Variants in CLDN6 observed in about 807,000 individuals in gnomAD.
CLDN6 encodes claudin 6.
For synonymous variants in CLDN6, 144 were observed against 131.2 expected (o/e 1.10, Z -0.67); for missense variants, 279 against 284.1 (o/e 0.98, Z 0.13).
chr16:3,016,996 G>A (rs369170458), intron 1 of CLDN6, among the ~76,000 whole-genome samples: 12 of 151,536 alleles, frequency 7.9e-5, no homozygotes, highest in African/African-American at 2.9e-4. Context: ...AGTTGGCCAG[G>A]CGGGTCTCGA....
chr16:3,014,897 C>T lies in CLDN6; in HGVS notation c.*462G>A. ...AGAGGTCAGAAGTTCCGGAGGTGGG[C>T]AGTCCTTTGTTAACAGATCATTTGT... is the stretch of plus-strand genomic sequence containing the variant. On this transcript the variant is annotated 3_prime_UTR_variant, in exon 2 of 2. Coordinates refer to ENST00000328796, the MANE Select transcript of CLDN6 (RefSeq NM_021195.5). The T allele has an allele frequency of 2.6e-6, 1 of 379,626 alleles. No homozygotes were observed. Among genetic ancestry groups the T allele is most frequent in the East Asian group, 3.8e-5 (1 of 26,346 alleles). 23.5% of individuals were successfully genotyped at this position (379,626 alleles called of 1,614,324 possible).
intron 1 of CLDN6, among the ~76,000 whole-genome samples, chr16:3,016,814 A>ATTTTTTTTTTTTT (rs545186433): frequency 2.0e-5 from 3 of 150,852 alleles, no homozygotes; most frequent in African/African-American, 7.4e-5. Flanking sequence ...CGCCCGGCTA[A>ATTTTTTTTTTTTT]TTTTTTTGTA....
At chr16:3,017,547 T>C (rs73483527) in intron 1 of CLDN6, among the ~76,000 whole-genome samples, 242 of 152,154 alleles carry the variant, frequency 1.6e-3, no homozygotes, top group African/African-American at 5.4e-3. Flanking sequence ...GAGGGCAGGC[T>C]CTACTCATTA....
At chr16:3,016,130 C>CTGT in intron 1 of CLDN6, 88 bp from the exon 2 acceptor site, 1 of 1,249,740 alleles carries the variant, frequency 8.0e-7, no homozygotes, top group Non-Finnish European at 1.1e-6. Context: ...GGGCATGCAC[C>CTGT]CTGGAAAGTG....
intron 1 of CLDN6, 77 bp from the exon 2 acceptor site, chr16:3,016,119 G>A (rs2072565936): frequency 3.0e-6 from 4 of 1,342,228 alleles, no homozygotes; most frequent in Non-Finnish European, 3.1e-6. Context: ...CAGGACTCTA[G>A]GGGCATGCAC....
Position 3,015,092 on chromosome 16 carries a change from G to A in CLDN6, c.*267C>T, listed in dbSNP as rs889511808. 1.8e-5 allele frequency: 8 copies of A among 447,274 alleles called. No individual in the cohort carries two copies. Among genetic ancestry groups the A allele is most frequent in the African/African-American group, 1.4e-4 (7 of 49,530 alleles). The allele number at this position is 447,274 out of a possible 1,614,324, so 27.7% of individuals were successfully genotyped here. A position where few individuals can be genotyped will look rare whatever the true frequency, so the allele number is the denominator to read the frequency against. ...AGCCTCCGCATTAGTTCCATAGCTT[G>A]ACTGGCTTCTAAGATGGGCATGTCA... On this transcript the variant is annotated 3_prime_UTR_variant, in exon 2 of 2. Transcript: ENST00000328796.
Position 3,015,597 on chromosome 16 carries a change from G to C in CLDN6, c.425C>G (p.Ala142Gly). The C allele has an allele frequency of 6.2e-7, 1 of 1,613,208 alleles. No individual in the cohort carries two copies. Among genetic ancestry groups the C allele is most frequent in the Non-Finnish European group, 8.5e-7 (1 of 1,180,034 alleles). The change falls in exon 2 of 2, where the codon GCC becomes GGC. Residue 142 changes from alanine (A) to glycine (G), a missense_variant. Transcript: ENST00000328796. ...GGGGTTATAGAAGTCCCGGATGATG[G>C]CATGCGCCGTCCAGCACACGGGGAT... is the stretch of plus-strand genomic sequence containing the variant. ...TLIPVCWTAH[A>G]IIRDFYNPLV...
chr16:3,017,846 T>A (rs1319706166), intron 1 of CLDN6, among the ~76,000 whole-genome samples: 2 of 139,642 alleles, frequency 1.4e-5, no homozygotes, highest in African/African-American at 5.5e-5. Flanking sequence ...CAAGGTCCGC[T>A]CCCCCAGGTG....
chr16:3,016,458 A>G (rs1007636102), intron 1 of CLDN6, among the ~76,000 whole-genome samples: 1 of 152,174 alleles, frequency 6.6e-6, no homozygotes, highest in African/African-American at 2.4e-5. Flanking sequence ...CCCTGAGTTT[A>G]AGGCTCAAAA....
Position 3,015,086 on chromosome 16 carries a change from T to C in CLDN6, c.*273A>G, listed in dbSNP as rs1328406736. On this transcript the variant is annotated 3_prime_UTR_variant, in exon 2 of 2. Coordinates refer to ENST00000328796, the MANE Select transcript of CLDN6 (RefSeq NM_021195.5). ...GCAAGCAGCCTCCGCATTAGTTCCA[T>C]AGCTTGACTGGCTTCTAAGATGGGC... is the stretch of plus-strand genomic sequence containing the variant. The C allele has an allele frequency of 9.0e-6, 4 of 446,026 alleles. No individual in the cohort carries two copies. The highest frequency in any genetic ancestry group is 1.2e-5 in the Non-Finnish European group (3 of 254,316). The allele number at this position is 446,026 out of a possible 1,614,324, so 27.6% of individuals were successfully genotyped here.
Position 3,015,283 on chromosome 16 carries a change from A to T in CLDN6, c.*76T>A. Reference sequence around the variant, plus strand: ...GCAGGAGGCAGAAACAAAAGGTACGAACCCATCCCAAAGCTGTTGGGCACT... The same window carrying T: ...GCAGGAGGCAGAAACAAAAGGTACGTACCCATCCCAAAGCTGTTGGGCACT... On this transcript the variant is annotated 3_prime_UTR_variant, in exon 2 of 2. Coordinates refer to ENST00000328796, the MANE Select transcript of CLDN6 (RefSeq NM_021195.5). The T allele has an allele frequency of 3.8e-6, 5 of 1,318,670 alleles. No homozygotes were observed. Among genetic ancestry groups the T allele is most frequent in the Non-Finnish European group, 5.2e-6 (5 of 960,244 alleles). 81.7% of individuals were successfully genotyped at this position (1,318,670 alleles called of 1,614,324 possible). A position where few individuals can be genotyped will look rare whatever the true frequency, so the allele number is the denominator to read the frequency against.
rs1313162678 is a variant in CLDN6 at position 3,015,296 on chromosome 16, G to A, written c.*63C>T. 1.1e-5 allele frequency: 15 copies of A among 1,408,512 alleles called. No individual in the cohort carries two copies. The highest frequency in any genetic ancestry group is 1.4e-5 in the South Asian group (1 of 69,786). The allele number at this position is 1,408,512 out of a possible 1,614,324, so 87.3% of individuals were successfully genotyped here. A position where few individuals can be genotyped will look rare whatever the true frequency, so the allele number is the denominator to read the frequency against. On this transcript the variant is annotated 3_prime_UTR_variant, in exon 2 of 2. Coordinates refer to ENST00000328796, the MANE Select transcript of CLDN6 (RefSeq NM_021195.5). Reference sequence around the variant, plus strand: ...ACAAAAGGTACGAACCCATCCCAAAGCTGTTGGGCACTGCCACTTCTGGAT... The same window carrying A: ...ACAAAAGGTACGAACCCATCCCAAAACTGTTGGGCACTGCCACTTCTGGAT...
In CLDN6 at chr16:3,015,454, A is replaced by AC. The variant is rs756736939; in HGVS notation, c.567dup (p.Ser190ValfsTer24). 123 of 1,573,798 alleles carry AC rather than the reference A, an allele frequency of 7.8e-5. No individual in the cohort carries two copies. The highest frequency in any genetic ancestry group is 5.1e-4 in the Middle Eastern group (3 of 5,844). The stretch of plus-strand genomic sequence containing the variant: ...GCCATGTAATGGCTGGGGCCCTGGG[A>AC]CCCCCCCGAGGGGCAAGTGCAGCAC... On this transcript the variant is annotated frameshift_variant, in exon 2 of 2. Transcript: ENST00000328796. LOFTEE classifies it low-confidence loss of function (END_TRUNC).
chr16:3,015,516 G>A lies in CLDN6; in HGVS notation c.506C>T (p.Ala169Val), dbSNP rs766749711. ...ACCCAGCAACAAAAGGCCTGAGGCCGCCCAGCCCAAGTAGAGGGAGGCCCC... is the reference window on the plus strand; with the variant it reads ...ACCCAGCAACAAAAGGCCTGAGGCCACCCAGCCCAAGTAGAGGGAGGCCCC... ...ELGASLYLGW[A>V]ASGLLLLGGG... is the part of the protein sequence containing the mutation. The change falls in exon 2 of 2, where the codon GCG becomes GTG. Residue 169 changes from alanine (A) to valine (V), a missense_variant. Transcript: ENST00000328796. The A allele has an allele frequency of 7.3e-5, 117 of 1,612,226 alleles. No individual in the cohort carries two copies. The Admixed American group carries it at 7.7e-4, about 11-fold the overall frequency.
At position 3,015,052 on chromosome 16, in the gene CLDN6, G is replaced by C. The variant is rs1233762319; in HGVS notation, c.*307C>G. 2.3e-6 allele frequency: 1 copy of C among 429,308 alleles called. No homozygotes were observed. Among genetic ancestry groups the C allele is most frequent in the East Asian group, 3.4e-5 (1 of 29,766 alleles). 26.6% of individuals were successfully genotyped at this position (429,308 alleles called of 1,614,324 possible). A position where few individuals can be genotyped will look rare whatever the true frequency, so the allele number is the denominator to read the frequency against. ...TGGGGACAGTCTGTCTTGTTGCAAA[G>C]CCAGCACAGCAAGCAGCCTCCGCAT... On this transcript the variant is annotated 3_prime_UTR_variant, in exon 2 of 2. Coordinates refer to ENST00000328796, the MANE Select transcript of CLDN6 (RefSeq NM_021195.5).
Position 3,015,336 on chromosome 16 carries a change from C to T in CLDN6, c.*23G>A, listed in dbSNP as rs372194239. Reference sequence around the variant, plus strand: ...CACTTCTGGATGGCTCTAGCGCCAGCGGAGCCCCCATTCCCCTCCACGTCA... The same window carrying T: ...CACTTCTGGATGGCTCTAGCGCCAGTGGAGCCCCCATTCCCCTCCACGTCA... On this transcript the variant is annotated 3_prime_UTR_variant, in exon 2 of 2. Coordinates refer to ENST00000328796, the MANE Select transcript of CLDN6 (RefSeq NM_021195.5). 1.4e-5 allele frequency: 21 copies of T among 1,515,750 alleles called. No homozygotes were observed. The highest frequency in any genetic ancestry group is 1.8e-4 in the Middle Eastern group (1 of 5,610). 93.9% of individuals were successfully genotyped at this position (1,515,750 alleles called of 1,614,324 possible). A position where few individuals can be genotyped will look rare whatever the true frequency, so the allele number is the denominator to read the frequency against.
chr16:3,016,686 C>T (rs995852844), intron 1 of CLDN6, among the ~76,000 whole-genome samples: 4 of 139,668 alleles, frequency 2.9e-5, no homozygotes, highest in South Asian at 2.3e-4. Flanking sequence ...CTCGCTCTGT[C>T]GCCCAGCCTG....
Position 3,015,960 on chromosome 16 carries a change from C to A in CLDN6, c.62G>T (p.Gly21Val). The change falls in exon 2 of 2, where the codon GGC becomes GTC. Residue 21 changes from glycine to valine, a missense_variant. Physicochemically the swap from Gly to Val is moderately radical, Grantham distance 109. Transcript: ENST00000328796. ...CATGGGCAGGGCACAGGAGACCAGGCCATTCACCCAGCCCAGCAGTGTCAG... is the reference window on the plus strand; with the variant it reads ...CATGGGCAGGGCACAGGAGACCAGGACATTCACCCAGCCCAGCAGTGTCAG... ...VVLTLLGWVN[G>V]LVSCALPMWK... 3.1e-6 allele frequency: 5 copies of A among 1,614,216 alleles called. No homozygotes were observed. Among genetic ancestry groups the A allele is most frequent in the Non-Finnish European group, 2.5e-6 (3 of 1,180,048 alleles).
At position 3,015,750 on chromosome 16, in the gene CLDN6, G is replaced by C. The variant is rs1254046221; in HGVS notation, c.272C>G (p.Ala91Gly). Residue 91 changes from alanine to glycine, a missense_variant, in exon 2 of 2, where the codon GCC (alanine) becomes GGC (glycine). Coordinates refer to ENST00000328796, the MANE Select transcript of CLDN6 (RefSeq NM_021195.5). ...RALCVIALLV[A>G]LFGLLVYLAG... ...AAGGTAGACCAGCAAGCCGAACAGG[G>C]CCACAAGGAGGGCGATGACACAGAG... is the stretch of plus-strand genomic sequence containing the variant. 1 of 1,614,048 alleles carries C rather than the reference G, an allele frequency of 6.2e-7. No homozygotes were observed. Among genetic ancestry groups the C allele is most frequent in the Non-Finnish European group, 8.5e-7 (1 of 1,180,044 alleles).
Sources: gnomAD v4.1 joint callset for allele counts (sites outside exome capture counted in the v4.1 genomes callset) on GRCh38, gnomAD v4.1.1 for gene constraint, MANE v1.5 for transcripts, NCBI Gene and HGNC (gene_info 2026-07-23, HGNC 2026-07-21) for gene names.